The following TASP1 variants were observed in gnomAD, a reference collection of about 807,000 sequenced individuals.
TASP1 encodes the protein threonine aspartase 1.
TASP1 carries 16 observed loss-of-function variants against 56.6 expected under a neutral mutation model. That is an observed-to-expected ratio of 0.28 (90% CI 0.19 to 0.43). The LOEUF (loss-of-function observed/expected upper bound fraction) is 0.43, where lower values mean the gene tolerates loss of function less well. TASP1 is among the 20% of genes least tolerant of loss of function. TASP1 has a pLI of 1.00. For missense variants in TASP1, 393 were observed against 511.6 expected, an observed-to-expected ratio of 0.77 and a Z score of 2.24; for synonymous variants, 179 against 184.2, an observed-to-expected ratio of 0.97 and a Z score of 0.23.
intron 8 of TASP1, among the ~76,000 whole-genome samples, chr20:13,551,039 T>C (rs1314478786): frequency 2.0e-5 from 3 of 152,276 alleles, no homozygotes; most frequent in East Asian, 3.9e-4. Flanking sequence ...GAATAGAATA[T>C]ATTTATATGA....
chr20:13,522,721 T>C (rs1266392570), intron 10 of TASP1, among the ~76,000 whole-genome samples: 1 of 152,090 alleles, frequency 6.6e-6, no homozygotes, highest in African/African-American at 2.4e-5. Context: ...CATCAGCACA[T>C]AGATGGTACT....
At chr20:13,189,039 C>T in the TASP1 span, among the ~76,000 whole-genome samples, 2 of 152,128 alleles carry the variant, frequency 1.3e-5, no homozygotes, top group Non-Finnish European at 2.9e-5. Flanking sequence ...TGTCACTTTA[C>T]GTTTTTTGTC....
At chr20:13,542,659 T>C (rs191048723) in intron 8 of TASP1, among the ~76,000 whole-genome samples, 1 of 152,232 alleles carries the variant, frequency 6.6e-6, no homozygotes, top group East Asian at 1.9e-4. Flanking sequence ...CTGACTATAA[T>C]ACAATTAACT....
At chr20:13,524,259 T>C (rs1224782335) in intron 10 of TASP1, among the ~76,000 whole-genome samples, 2 of 152,126 alleles carry the variant, frequency 1.3e-5, no homozygotes, top group Non-Finnish European at 2.9e-5. Context: ...TTCCCCTCCT[T>C]CTGATCTTCT....
the TASP1 span, among the ~76,000 whole-genome samples, chr20:13,344,667 T>A: frequency 2.6e-5 from 4 of 152,192 alleles, no homozygotes; most frequent in African/African-American, 9.6e-5. Flanking sequence ...GGGGTCAATA[T>A]GAAGCGTGAG....
intron 9 of TASP1, 22 bp downstream of exon 9, chr20:13,534,000 T>TA: frequency 3.1e-6 from 5 of 1,591,448 alleles, no homozygotes; most frequent in South Asian, 2.3e-5. Context: ...AAGGCTAGTT[T>TA]AAAAAACCCA....
At chr20:13,449,692 G>A (rs2043544315) in intron 11 of TASP1, among the ~76,000 whole-genome samples, 1 of 152,076 alleles carries the variant, frequency 6.6e-6, no homozygotes, top group East Asian at 1.9e-4. Flanking sequence ...ATTGTACTGA[G>A]AGGTTATACA....
chr20:13,447,293 G>A (rs1214795673), intron 11 of TASP1, among the ~76,000 whole-genome samples: 1 of 152,054 alleles, frequency 6.6e-6, no homozygotes, highest in Non-Finnish European at 1.5e-5. Flanking sequence ...TATGAATAAG[G>A]TAATTACCTA....
the TASP1 span, among the ~76,000 whole-genome samples, chr20:13,336,084 A>T: frequency 1.1e-4 from 16 of 152,288 alleles, no homozygotes; most frequent in African/African-American, 3.8e-4. Flanking sequence ...GGAAGGAAAA[A>T]AACACATTAC....
At chr20:13,468,320 T>C (rs947258290) in intron 11 of TASP1, among the ~76,000 whole-genome samples, 23 of 152,120 alleles carry the variant, frequency 1.5e-4, no homozygotes, top group African/African-American at 5.6e-4. Context: ...ATTTGAGAAG[T>C]ATGCCACATA....
At chr20:13,285,550 T>C in the TASP1 span, among the ~76,000 whole-genome samples, 146 of 152,288 alleles carry the variant, frequency 9.6e-4, no homozygotes, top group Non-Finnish European at 1.8e-3. Context: ...CACTTCACGC[T>C]TGGGGGAAGA....
the TASP1 span, among the ~76,000 whole-genome samples, chr20:13,365,819 G>A: frequency 2.0e-5 from 3 of 152,174 alleles, no homozygotes; most frequent in Non-Finnish European, 2.9e-5. Context: ...TGTGTCTTAC[G>A]AAGTCTGGCT....
chr20:13,538,636 G>C (rs1293398995), intron 8 of TASP1, among the ~76,000 whole-genome samples: 1 of 152,176 alleles, frequency 6.6e-6, no homozygotes, highest in Non-Finnish European at 1.5e-5. Flanking sequence ...TAAACACAGA[G>C]AGATGGCTCC....
chr20:13,401,329 A>G (rs2041730817), intron 13 of TASP1, among the ~76,000 whole-genome samples: 1 of 152,142 alleles, frequency 6.6e-6, no homozygotes, highest in Non-Finnish European at 1.5e-5. Flanking sequence ...GGAAGAAAGG[A>G]CAGTGGGAAC....
chr20:13,412,002 C>T (rs746361385), intron 13 of TASP1, among the ~76,000 whole-genome samples: 1 of 152,234 alleles, frequency 6.6e-6, no homozygotes, highest in East Asian at 1.9e-4. Context: ...GACCACTATG[C>T]TTCCGAGTTG....
At chr20:13,585,388 C>T (rs1404826285) in intron 5 of TASP1, among the ~76,000 whole-genome samples, 8 of 152,074 alleles carry the variant, frequency 5.3e-5, no homozygotes, top group Non-Finnish European at 1.2e-4. Flanking sequence ...TCAAAAAACA[C>T]CATTAAGAGA....
At chr20:13,433,520 CAAA>C (rs74746255) in intron 12 of TASP1, among the ~76,000 whole-genome samples, 5 of 89,200 alleles carry the variant, frequency 5.6e-5, no homozygotes, top group Admixed American at 1.2e-4. Context: ...GACAGTATGG[CAAA>C]AAAAAAAAAA....
At chr20:13,299,052 G>A in the TASP1 span, 2 of 1,613,798 alleles carry the variant, frequency 1.2e-6, no homozygotes, top group African/African-American at 2.7e-5. This position sits in a 1 kb window ranked among gnomAD's most constrained non-coding sequence, Gnocchi z 5.8. Context: ...CCCCACTGAG[G>A]TGGCCTACAG....
intron 10 of TASP1, among the ~76,000 whole-genome samples, chr20:13,489,902 C>T (rs984785760): frequency 6.6e-6 from 1 of 152,088 alleles, no homozygotes; most frequent in South Asian, 2.1e-4. Flanking sequence ...ATGTATATAC[C>T]ATATGTTCTT....
Sources: gnomAD v4.1 joint callset for allele counts (sites outside exome capture counted in the v4.1 genomes callset) on GRCh38, gnomAD v4.1.1 for gene constraint, Gnocchi (gnomAD v3.1) non-coding constraint, MANE v1.5 for transcripts, NCBI Gene and HGNC (gene_info 2026-07-23, HGNC 2026-07-21) for gene names.